The following CSMD1 variants were observed in gnomAD, a reference collection of about 807,000 sequenced individuals.
CSMD1 encodes CUB and Sushi multiple domains 1.
A neutral mutation model predicts 417.5 loss-of-function variants in CSMD1; 213 were observed. The observed-to-expected ratio is 0.51, with a 90% CI of 0.46 to 0.57. The LOEUF is 0.57. Ranked by LOEUF, CSMD1 falls within the 20% of genes least tolerant of loss-of-function variation. The pLI is 0.00. For synonymous variants in CSMD1, 2,862 were observed against 1,736.8 expected (o/e 1.65, Z -16.11); for missense variants, 6,923 against 4,529.7 (o/e 1.53, Z -15.17).
chr8:4,128,058 G>C (rs138200371), intron 3 of CSMD1, among the ~76,000 whole-genome samples: 25 of 152,256 alleles, frequency 1.6e-4, no homozygotes, highest in Non-Finnish European at 2.4e-4. Flanking sequence ...CATCTCAAGA[G>C]CAGTGGACAA....
At chr8:3,137,526 C>T (rs1030801739) in intron 41 of CSMD1, among the ~76,000 whole-genome samples, 3 of 152,190 alleles carry the variant, frequency 2.0e-5, no homozygotes, top group Admixed American at 6.5e-5. Context: ...GTATTGTTTT[C>T]AGTAAGGCAT....
At chr8:3,297,583 T>G (rs1299170917) in intron 25 of CSMD1, among the ~76,000 whole-genome samples, 1 of 152,188 alleles carries the variant, frequency 6.6e-6, no homozygotes, top group Admixed American at 6.5e-5. Flanking sequence ...CTTCAGCAAA[T>G]TGTCAATTGA....
At chr8:4,775,750 C>G (rs577184448) in intron 1 of CSMD1, among the ~76,000 whole-genome samples, 1 of 152,270 alleles carries the variant, frequency 6.6e-6, no homozygotes, top group East Asian at 1.9e-4. Context: ...GTCCTGCCAT[C>G]CAAGAGTCTG....
rs543891045 is a variant in CSMD1, at chr8:3,154,959, T to C, written c.5914+2938A>G. Among the ~76,000 whole-genome samples, 9 of 152,274 alleles carry C rather than the reference T, an allele frequency of 5.9e-5. No homozygotes were observed. In the East Asian group the frequency reaches 1.2e-3, roughly 20 times the overall value. Reference sequence around the variant, plus strand: ...ACCTTTTAATCACTAGAATCTGTCTTTGAGATTTATCATGGGTCATGTGTG... The same window carrying C: ...ACCTTTTAATCACTAGAATCTGTCTCTGAGATTTATCATGGGTCATGTGTG... On this transcript the variant is annotated intron_variant, in intron 39 of 69. Coordinates refer to ENST00000635120, the MANE Select transcript of CSMD1 (RefSeq NM_033225.6).
At chr8:4,142,042 A>C (rs1461246247) in intron 3 of CSMD1, among the ~76,000 whole-genome samples, 1 of 132,498 alleles carries the variant, frequency 7.5e-6, no homozygotes, top group Admixed American at 7.8e-5. Flanking sequence ...AGATGTTTTA[A>C]ATGTTTGAAT....
At chr8:4,489,436 T>C (rs1187421804) in intron 2 of CSMD1, among the ~76,000 whole-genome samples, 1 of 152,228 alleles carries the variant, frequency 6.6e-6, no homozygotes, top group African/African-American at 2.4e-5. Flanking sequence ...AAAGTCTTTT[T>C]ATATGTTCAA....
intron 6 of CSMD1, among the ~76,000 whole-genome samples, chr8:3,738,718 G>T (rs1193652949): frequency 6.6e-6 from 1 of 152,110 alleles, no homozygotes; most frequent in Non-Finnish European, 1.5e-5. Context: ...GCCACCCTGT[G>T]GTCACCAACC....
At chr8:3,093,454 G>T (rs1035804857) in intron 47 of CSMD1, among the ~76,000 whole-genome samples, 11 of 152,094 alleles carry the variant, frequency 7.2e-5, no homozygotes, top group Non-Finnish European at 1.6e-4. Flanking sequence ...ATCGCCTGAG[G>T]TCAGAAGTTT....
intron 10 of CSMD1, among the ~76,000 whole-genome samples, chr8:3,550,757 C>G (rs754897517): frequency 1.3e-5 from 2 of 152,194 alleles, no homozygotes; most frequent in African/African-American, 2.4e-5. Flanking sequence ...GCCAACCAGG[C>G]TTGCACCACA....
intron 3 of CSMD1, among the ~76,000 whole-genome samples, chr8:4,378,550 C>T (rs1478066559): frequency 6.6e-6 from 1 of 152,158 alleles, no homozygotes; most frequent in Non-Finnish European, 1.5e-5. Context: ...GACCATTCTT[C>T]CTTTTAGCTT....
At chr8:3,105,337 T>A (rs1816060508) in intron 46 of CSMD1, among the ~76,000 whole-genome samples, 1 of 152,194 alleles carries the variant, frequency 6.6e-6, no homozygotes, top group South Asian at 2.1e-4. Context: ...AATAGTTGGA[T>A]TCCTTGAAAG....
At chr8:4,845,743 G>A (rs1397730036) in intron 1 of CSMD1, among the ~76,000 whole-genome samples, 5 of 152,136 alleles carry the variant, frequency 3.3e-5, no homozygotes, top group South Asian at 4.2e-4. Context: ...AGCACTGGCC[G>A]GTGCTCAGGG....
intron 30 of CSMD1, among the ~76,000 whole-genome samples, chr8:3,212,787 T>G (rs979258489): frequency 3.9e-5 from 6 of 151,988 alleles, no homozygotes; most frequent in Non-Finnish European, 4.4e-5. Context: ...GAAGTAGGTT[T>G]TGTTTTATTT....
Position 4,301,399 on chromosome 8 carries a change from G to T in CSMD1, c.415+118554C>A, listed in dbSNP as rs144099192. On this transcript the variant is annotated intron_variant, in intron 3 of 69. Coordinates refer to ENST00000635120, the MANE Select transcript of CSMD1 (RefSeq NM_033225.6). ...GTAGCCAATGCTTTGATTCTGTTGT[G>T]TCTCCAGGATGGTACTGGGAAAGAT... is the stretch of plus-strand genomic sequence containing the variant. 4.4e-3 allele frequency among the ~76,000 whole-genome samples: 668 copies of T among 152,208 alleles called. 2 individuals are homozygous for T. The highest frequency in any genetic ancestry group is 0.015 in the African/African-American group (636 of 41,546).
intron 3 of CSMD1, among the ~76,000 whole-genome samples, chr8:4,370,141 T>G (rs1802314822): frequency 6.6e-6 from 1 of 151,876 alleles, no homozygotes; most frequent in Non-Finnish European, 1.5e-5. Context: ...AGGTCGAGTT[T>G]CAACAAATTA....
At chr8:4,330,081 G>T (rs1995538) in intron 3 of CSMD1, among the ~76,000 whole-genome samples, 138,821 of 152,084 alleles carry the variant, frequency 0.91, 64,510 homozygotes, top group East Asian at 1. Flanking sequence ...TATTTCTTTA[G>T]AGCAATGCAA....
At chr8:3,260,765 G>A (rs565840763) in intron 26 of CSMD1, among the ~76,000 whole-genome samples, 3 of 152,068 alleles carry the variant, frequency 2.0e-5, no homozygotes, top group Non-Finnish European at 4.4e-5. Flanking sequence ...GACAACAGAA[G>A]CACAATCCAT....
chr8:4,617,714 C>T (rs887076851), intron 2 of CSMD1, among the ~76,000 whole-genome samples: 3 of 152,162 alleles, frequency 2.0e-5, no homozygotes, highest in African/African-American at 7.2e-5. Context: ...CATCACTCCA[C>T]TTATTACCTA....
In CSMD1 at chr8:3,734,024, G is replaced by A. The variant is rs2623698; in HGVS notation, c.931+19906C>T. ...CAAGGGTGTGAGTGTGTATATGGCA[G>A]TGAATAAACTCAGGAAGAAATGCAA... On this transcript the variant is annotated intron_variant, in intron 6 of 69. Coordinates refer to ENST00000635120, the MANE Select transcript of CSMD1 (RefSeq NM_033225.6). Among the ~76,000 whole-genome samples, 615 of 151,512 alleles carry A rather than the reference G, an allele frequency of 4.1e-3. 19 individuals carry two copies. The East Asian group carries it at 0.076, about 19-fold the overall frequency.
Sources: gnomAD v4.1 joint callset for allele counts (sites outside exome capture counted in the v4.1 genomes callset) on GRCh38, gnomAD v4.1.1 for gene constraint, MANE v1.5 for transcripts, NCBI Gene and HGNC (gene_info 2026-07-23, HGNC 2026-07-21) for gene names.